Variants in ARB2A observed in about 807,000 individuals in gnomAD.
ARB2A encodes cotranscriptional regulator ARB2A.
chr5:94,000,869 A>G, the ARB2A span, among the ~76,000 whole-genome samples: 1 of 152,096 alleles, frequency 6.6e-6, no homozygotes, highest in East Asian at 1.9e-4. Flanking sequence ...TTTGCATGTG[A>G]ACATCCATTT....
At chr5:93,764,338 T>C in the ARB2A span, among the ~76,000 whole-genome samples, 10 of 152,038 alleles carry the variant, frequency 6.6e-5, no homozygotes, top group African/African-American at 1.2e-4. Flanking sequence ...AAGAATCAAA[T>C]AGACGCAATA....
At chr5:93,821,661 A>G in the ARB2A span, among the ~76,000 whole-genome samples, 2 of 152,112 alleles carry the variant, frequency 1.3e-5, no homozygotes, top group African/African-American at 4.8e-5. Flanking sequence ...CAAAGGATCT[A>G]AAAACATTTC....
At chr5:93,866,681 C>A in the ARB2A span, among the ~76,000 whole-genome samples, 1 of 152,098 alleles carries the variant, frequency 6.6e-6, no homozygotes, top group African/African-American at 2.4e-5. Context: ...TCCACAGGAC[C>A]AACTGTAAGA....
chr5:93,915,786 A>G, the ARB2A span, among the ~76,000 whole-genome samples: 1 of 152,062 alleles, frequency 6.6e-6, no homozygotes, highest in South Asian at 2.1e-4. Flanking sequence ...TATGGACTTT[A>G]AAAGAGAATG....
At chr5:94,035,879 G>A in the ARB2A span, among the ~76,000 whole-genome samples, 1 of 151,958 alleles carries the variant, frequency 6.6e-6, no homozygotes, top group East Asian at 1.9e-4. Context: ...GTAAGGAGAG[G>A]GACAGCATTA....
At chr5:93,941,418 C>T in the ARB2A span, among the ~76,000 whole-genome samples, 14 of 151,988 alleles carry the variant, frequency 9.2e-5, no homozygotes, top group African/African-American at 2.7e-4. Flanking sequence ...AAAAAGACAT[C>T]AGAGTGACTC....
At chr5:94,067,360 A>C in the ARB2A span, among the ~76,000 whole-genome samples, 353 of 152,314 alleles carry the variant, frequency 2.3e-3, 11 homozygotes, top group East Asian at 0.065. Context: ...GCAAGAGAAC[A>C]AAATAAAAAG....
the ARB2A span, among the ~76,000 whole-genome samples, chr5:93,788,980 G>A: frequency 6.6e-6 from 1 of 152,130 alleles, no homozygotes; most frequent in South Asian, 2.1e-4. Context: ...ATGACACTCA[G>A]AATAATTACT....
At chr5:93,857,872 C>CTGCG in the ARB2A span, among the ~76,000 whole-genome samples, 1 of 152,186 alleles carries the variant, frequency 6.6e-6, no homozygotes, top group African/African-American at 2.4e-5. Context: ...CACCTGTCTT[C>CTGCG]TGCGTCGCTC....
the ARB2A span, chr5:93,683,411 T>G: frequency 6.2e-7 from 1 of 1,602,442 alleles, no homozygotes; most frequent in Admixed American, 1.7e-5. Context: ...TGAACCACAC[T>G]TCAACCTTAA....
chr5:94,026,357 T>C, the ARB2A span, among the ~76,000 whole-genome samples: 2 of 151,856 alleles, frequency 1.3e-5, no homozygotes, highest in Admixed American at 6.6e-5. Flanking sequence ...TCTTGAGTTC[T>C]TGTCCTGTGT....
chr5:93,841,482 T>A, the ARB2A span, among the ~76,000 whole-genome samples: 1 of 152,146 alleles, frequency 6.6e-6, no homozygotes, highest in Non-Finnish European at 1.5e-5. Flanking sequence ...GACTTGAGCA[T>A]CTGTGGATTT....
At chr5:93,630,301 G>T in the ARB2A span, among the ~76,000 whole-genome samples, 2 of 152,182 alleles carry the variant, frequency 1.3e-5, no homozygotes, top group Non-Finnish European at 2.9e-5. Context: ...TGTGCACGGA[G>T]ATTGTGTAAG....
the ARB2A span, among the ~76,000 whole-genome samples, chr5:93,984,094 T>G: frequency 2.0e-5 from 3 of 152,256 alleles, no homozygotes; most frequent in East Asian, 5.8e-4. Context: ...ATTTCTTGAT[T>G]CTGATAATTA....
the ARB2A span, among the ~76,000 whole-genome samples, chr5:93,818,980 G>A: frequency 6.6e-6 from 1 of 151,884 alleles, no homozygotes; most frequent in Non-Finnish European, 1.5e-5. Context: ...GAGGTCAGGA[G>A]ATCGAGACCA....
the ARB2A span, among the ~76,000 whole-genome samples, chr5:93,913,306 C>A: frequency 5.3e-5 from 8 of 151,886 alleles, no homozygotes; most frequent in Non-Finnish European, 1.2e-4. Context: ...TCTTACTCTC[C>A]CAGTGCTGTG....
chr5:94,003,691 G>GAA, the ARB2A span, among the ~76,000 whole-genome samples: 1 of 151,360 alleles, frequency 6.6e-6, no homozygotes, highest in Admixed American at 6.6e-5. Flanking sequence ...AAATCCTGGT[G>GAA]AAAAAAAATA....
the ARB2A span, among the ~76,000 whole-genome samples, chr5:93,847,453 C>T: frequency 6.6e-6 from 1 of 151,950 alleles, no homozygotes; most frequent in Non-Finnish European, 1.5e-5. Context: ...AAAAATTTCT[C>T]ATGTATAGCA....
At chr5:94,107,551 G>A in the ARB2A span, among the ~76,000 whole-genome samples, 9 of 148,312 alleles carry the variant, frequency 6.1e-5, no homozygotes, top group Non-Finnish European at 1.0e-4. Context: ...AAAAAAAGAC[G>A]TTGTTACCTT....
Sources: gnomAD v4.1 joint callset for allele counts (sites outside exome capture counted in the v4.1 genomes callset) on GRCh38, gnomAD v4.1.1 for gene constraint, MANE v1.5 for transcripts, NCBI Gene and HGNC (gene_info 2026-07-23, HGNC 2026-07-21) for gene names.